The following CNTNAP4 variants were observed in gnomAD, a reference collection of about 807,000 sequenced individuals.
CNTNAP4 encodes the protein contactin associated protein family member 4.
In CNTNAP4, 98 loss-of-function variants were observed where a neutral mutation model predicts 148.4. The ratio of observed to expected loss-of-function variants is 0.66; its 90% CI spans 0.56 to 0.78. The LOEUF (loss-of-function observed/expected upper bound fraction) is 0.78, where lower values mean the gene tolerates loss of function less well. Among genes scored for constraint, CNTNAP4 ranks in the 30% least tolerant of loss-of-function variants. CNTNAP4 has a pLI of 0.00. For synonymous variants in CNTNAP4, 730 were observed against 565.1 expected, an observed-to-expected ratio of 1.29 and a Z score of -4.14; for missense variants, 1,935 against 1,565.6, an observed-to-expected ratio of 1.24 and a Z score of -3.98.
chr16:76,483,453 C>A (rs922764863), intron 12 of CNTNAP4, among the ~76,000 whole-genome samples: 12 of 152,172 alleles, frequency 7.9e-5, no homozygotes, highest in African/African-American at 2.2e-4. Flanking sequence ...ATGTGTGTTT[C>A]AGGTTAAAGA....
rs575874299 is a variant in CNTNAP4, at chr16:76,442,431, T to A, written c.539-5581T>A. On this transcript the variant is annotated intron_variant, in intron 4 of 23. Coordinates refer to ENST00000611870, the MANE Select transcript of CNTNAP4 (RefSeq NM_033401.5). The stretch of plus-strand genomic sequence containing the variant: ...ATAGGAAGCTGTCTGAATCCTTTTA[T>A]GTTGCTATAACAGAATATCTGAGGC... Among the ~76,000 whole-genome samples, 6 of 152,256 alleles carry A rather than the reference T, an allele frequency of 3.9e-5. No homozygotes were observed. In the South Asian group the frequency reaches 1.0e-3, roughly 26 times the overall value.
chr16:76,500,247 G>C (rs1013510569), intron 15 of CNTNAP4, among the ~76,000 whole-genome samples: 6 of 152,134 alleles, frequency 3.9e-5, no homozygotes, highest in Non-Finnish European at 7.4e-5. Context: ...CCACCTTCCG[G>C]ACGGGGCGGC....
chr16:76,337,135 G>A (rs960572350), intron 2 of CNTNAP4, among the ~76,000 whole-genome samples: 6 of 152,076 alleles, frequency 3.9e-5, no homozygotes, highest in Non-Finnish European at 8.8e-5. Context: ...AATGTTGGAT[G>A]GATTCTTTTT....
At chr16:76,302,937 T>C (rs578241589) in intron 1 of CNTNAP4, among the ~76,000 whole-genome samples, 2 of 152,134 alleles carry the variant, frequency 1.3e-5, no homozygotes, top group African/African-American at 4.8e-5. Context: ...TAGTGATGGG[T>C]CCCTGGTAGG....
chr16:76,376,140 G>T (rs2015389960), intron 3 of CNTNAP4, among the ~76,000 whole-genome samples: 1 of 151,988 alleles, frequency 6.6e-6, no homozygotes, highest in Non-Finnish European at 1.5e-5. Context: ...GGAAAAAAGA[G>T]GGAAATAAAG....
chr16:76,415,532 A>C (rs2078942334), intron 3 of CNTNAP4, among the ~76,000 whole-genome samples: 1 of 151,200 alleles, frequency 6.6e-6, no homozygotes, highest in Non-Finnish European at 1.5e-5. Flanking sequence ...ATAGTACAAT[A>C]CTATTTATTA....
chr16:76,363,858 CTT>C (rs977685486), intron 3 of CNTNAP4, among the ~76,000 whole-genome samples: 2 of 152,124 alleles, frequency 1.3e-5, no homozygotes, highest in Admixed American at 6.5e-5. Flanking sequence ...TGTTTCATCT[CTT>C]TGCATCTGTG....
chr16:76,475,893 A>G lies in CNTNAP4; in HGVS notation c.1656-46A>G, dbSNP rs146260296. The G allele has an allele frequency of 1.0e-4, 137 of 1,347,610 alleles. No homozygotes were observed. In the African/African-American group the frequency reaches 1.8e-3, roughly 18 times the overall value. 83.5% of individuals were successfully genotyped at this position (1,347,610 alleles called of 1,614,324 possible). Reference sequence around the variant, plus strand: ...AAGTATAAATGGTCAATACTTTAAGATATCTAAAAATGGAAACTGGTGATT... The same window carrying G: ...AAGTATAAATGGTCAATACTTTAAGGTATCTAAAAATGGAAACTGGTGATT... On this transcript the variant is annotated intron_variant, in intron 10 of 23. Transcript: ENST00000611870.
At chr16:76,403,010 T>C (rs1346324872) in intron 3 of CNTNAP4, among the ~76,000 whole-genome samples, 1 of 152,206 alleles carries the variant, frequency 6.6e-6, no homozygotes, top group African/African-American at 2.4e-5. Context: ...ACAACATATA[T>C]TCTGTAGTTT....
chr16:76,334,858 G>A (rs1048674107), intron 2 of CNTNAP4, among the ~76,000 whole-genome samples: 1 of 151,982 alleles, frequency 6.6e-6, no homozygotes. Flanking sequence ...CTCCTGCCTA[G>A]ATAAGAGCAA....
intron 3 of CNTNAP4, among the ~76,000 whole-genome samples, chr16:76,378,511 T>G (rs1211211640): frequency 6.6e-6 from 1 of 152,198 alleles, no homozygotes; most frequent in African/African-American, 2.4e-5. Context: ...TTGTATGTGC[T>G]GGTAAACTCC....
chr16:76,461,927 G>A lies in CNTNAP4; in HGVS notation c.1334-29G>A, dbSNP rs757264719. 8 of 1,609,088 alleles carry A rather than the reference G, an allele frequency of 5.0e-6. No individual in the cohort carries two copies. In the South Asian group the frequency reaches 7.7e-5, roughly 16 times the overall value. On this transcript the variant is annotated intron_variant, in intron 8 of 23. Coordinates refer to ENST00000611870, the MANE Select transcript of CNTNAP4 (RefSeq NM_033401.5). Reference sequence around the variant, plus strand: ...CTCCTTATAGTGTTCACTATTGAGAGCGATCTCTAACTGATTTCATCTCCC... The same window carrying A: ...CTCCTTATAGTGTTCACTATTGAGAACGATCTCTAACTGATTTCATCTCCC...
In CNTNAP4 at chr16:76,462,119, C is replaced by G; in HGVS notation, c.1483+14C>G. 1.2e-6 allele frequency: 2 copies of G among 1,607,672 alleles called. No homozygotes were observed. The highest frequency in any genetic ancestry group is 1.7e-6 in the Non-Finnish European group (2 of 1,175,928). ...ATTATTTTGGAGGTAAGAATAGGTG[C>G]CAGGCTCTATGAGCAACTGAACCAT... On this transcript the variant is annotated intron_variant, in intron 9 of 23. Coordinates refer to ENST00000611870, the MANE Select transcript of CNTNAP4 (RefSeq NM_033401.5).
At chr16:76,418,236 A>G (rs2079054443) in intron 3 of CNTNAP4, among the ~76,000 whole-genome samples, 1 of 151,296 alleles carries the variant, frequency 6.6e-6, no homozygotes, top group Non-Finnish European at 1.5e-5. Flanking sequence ...CCACTTACGC[A>G]TATGTTACAA....
intron 8 of CNTNAP4, among the ~76,000 whole-genome samples, chr16:76,457,689 TA>T (rs1200245770): frequency 6.6e-6 from 1 of 152,228 alleles, no homozygotes; most frequent in East Asian, 1.9e-4. Flanking sequence ...AGATGAATGT[TA>T]AAATTGAGAT....
At chr16:76,299,253 A>C (rs1332976783) in intron 1 of CNTNAP4, among the ~76,000 whole-genome samples, 1 of 152,208 alleles carries the variant, frequency 6.6e-6, no homozygotes, top group East Asian at 1.9e-4. Flanking sequence ...TACTCATCTG[A>C]CAAAGGGCTA....
chr16:76,456,087 A>G (rs1475782071), intron 8 of CNTNAP4, among the ~76,000 whole-genome samples: 1 of 145,484 alleles, frequency 6.9e-6, no homozygotes, highest in Non-Finnish European at 1.5e-5. Context: ...ACTTCCATCT[A>G]CTATTCCATC....
chr16:76,492,292 G>T (rs990249556), intron 13 of CNTNAP4, among the ~76,000 whole-genome samples: 7 of 152,176 alleles, frequency 4.6e-5, no homozygotes, highest in Non-Finnish European at 7.3e-5. Context: ...ATGTTAAGTG[G>T]TGGGTATGTT....
intron 1 of CNTNAP4, among the ~76,000 whole-genome samples, chr16:76,305,714 CA>C (rs1374343551): frequency 6.6e-6 from 1 of 152,078 alleles, no homozygotes; most frequent in African/African-American, 2.4e-5. Flanking sequence ...TATTTAGATA[CA>C]GGGGGTACAT....
Sources: allele counts gnomAD v4.1 joint callset (sites outside exome capture counted in the v4.1 genomes callset), GRCh38; gene constraint gnomAD v4.1.1; transcripts MANE v1.5; gene names NCBI Gene and HGNC (gene_info 2026-07-23, HGNC 2026-07-21).